OLFM4: variants seen among roughly 807,000 people sequenced by gnomAD.
OLFM4 encodes the protein olfactomedin 4.
OLFM4 carries 22 observed loss-of-function variants against 25.5 expected under a neutral mutation model. The observed-to-expected ratio is 0.86, with a 90% CI of 0.62 to 1.23. The LOEUF (loss-of-function observed/expected upper bound fraction) is 1.23. Among genes scored for constraint, OLFM4 ranks in the 50% most tolerant of loss-of-function variants. The pLI is 0.00. For missense variants in OLFM4, 594 were observed against 619.4 expected, an observed-to-expected ratio of 0.96 and a Z score of 0.44; for synonymous variants, 255 against 237.7, an observed-to-expected ratio of 1.07 and a Z score of -0.67.
At chr13:53,040,874 G>C (rs1180242595) in intron 2 of OLFM4, among the ~76,000 whole-genome samples, 1 of 152,064 alleles carries the variant, frequency 6.6e-6, no homozygotes, top group Non-Finnish European at 1.5e-5. Flanking sequence ...AAGAAAAAAG[G>C]GCTCAATATC....
intron 3 of OLFM4, 30 bp from the exon 4 acceptor site, chr13:53,043,075 T>A (rs1954695855): frequency 6.5e-7 from 1 of 1,548,802 alleles, no homozygotes; most frequent in African/African-American, 1.4e-5. Context: ...CACCATAATA[T>A]AAAGTCACTC....
At chr13:53,049,832 C>G (rs1954735586) in intron 4 of OLFM4, 137 bp from the exon 5 acceptor site, 1 of 867,542 alleles carries the variant, frequency 1.2e-6, no homozygotes, top group Admixed American at 2.9e-5. Context: ...TGGCTCTTCT[C>G]CATCAGAACC....
chr13:53,032,071 A>T (rs1284404130), intron 1 of OLFM4, among the ~76,000 whole-genome samples: 1 of 152,218 alleles, frequency 6.6e-6, no homozygotes. Context: ...GATAAGCAGG[A>T]TGGAAGCTGG....
chr13:53,043,361 A>C, intron 4 of OLFM4, 97 bp downstream of exon 4: 1 of 896,472 alleles, frequency 1.1e-6, no homozygotes, highest in Non-Finnish European at 1.5e-6. Flanking sequence ...GTGAAAGAAG[A>C]AGGTGGGTTG....
rs778858998 is a variant in OLFM4 at position 53,029,050 on chromosome 13, C to T, written c.204+10C>T. 4.3e-6 allele frequency: 7 copies of T among 1,613,506 alleles called. No individual in the cohort carries two copies. Among genetic ancestry groups the T allele is most frequent in the South Asian group, 2.2e-5 (2 of 91,074 alleles). The stretch of plus-strand genomic sequence containing the variant: ...AGGTTCTGTGTCCCAGGTGAGGAGG[C>T]CCCAGAATCTGAATGAGCTGCATTC... On this transcript the variant is annotated intron_variant, in intron 1 of 4. Coordinates refer to ENST00000219022, the MANE Select transcript of OLFM4 (RefSeq NM_006418.5).
At chr13:53,041,329 G>T (rs1361339312) in intron 2 of OLFM4, among the ~76,000 whole-genome samples, 1 of 152,152 alleles carries the variant, frequency 6.6e-6, no homozygotes, top group Non-Finnish European at 1.5e-5. Context: ...TAGGAACATG[G>T]ATAGAGAGCT....
rs1423210075 is a variant in OLFM4 at position 53,050,945 on chromosome 13, T to C, written c.*174T>C. On this transcript the variant is annotated 3_prime_UTR_variant, in exon 5 of 5. Coordinates refer to ENST00000219022, the MANE Select transcript of OLFM4 (RefSeq NM_006418.5). ...ATTTGTCTTGATTTGGTGAGTTCTC[T>C]TGGGAATCATCTGCCTCTTCAGGCG... 11 of 598,200 alleles carry C rather than the reference T, an allele frequency of 1.8e-5. No individual in the cohort carries two copies. Among genetic ancestry groups the C allele is most frequent in the Non-Finnish European group, 3.1e-5 (11 of 356,620 alleles). The allele number at this position is 598,200 out of a possible 1,614,324, so 37.1% of individuals were successfully genotyped here. A position where few individuals can be genotyped will look rare whatever the true frequency, so the allele number is the denominator to read the frequency against.
intron 4 of OLFM4, among the ~76,000 whole-genome samples, chr13:53,047,691 A>C (rs1410895175): frequency 6.6e-6 from 1 of 152,152 alleles, no homozygotes; most frequent in Admixed American, 6.5e-5. Context: ...TACTATTAGT[A>C]GTAGTAACAA....
At chr13:53,049,332 C>T (rs183678823) in intron 4 of OLFM4, among the ~76,000 whole-genome samples, 7 of 152,278 alleles carry the variant, frequency 4.6e-5, no homozygotes, top group Admixed American at 2.0e-4. Flanking sequence ...ATAGGACCAT[C>T]TTTCTGGATC....
At position 53,029,036 on chromosome 13, in the gene OLFM4, C is replaced by T. The variant is rs1280059559; in HGVS notation, c.200C>T (p.Ser67Phe). The change falls in exon 1 of 5, where the codon TCC (serine) becomes TTC (phenylalanine). Residue 67 changes from serine (S) to phenylalanine (F), a missense_variant. Physicochemically the swap from Ser to Phe is radical, Grantham distance 155. Coordinates refer to ENST00000219022, the MANE Select transcript of OLFM4 (RefSeq NM_006418.5). ...AGCTTAGGCAGCGGAGGTTCTGTGTCCCAGGTGAGGAGGCCCCAGAATCTG... is the reference window on the plus strand; with the variant it reads ...AGCTTAGGCAGCGGAGGTTCTGTGTTCCAGGTGAGGAGGCCCCAGAATCTG... The part of the protein sequence containing the change: ...SRSLGSGGSV[S>F]QLFSNFTGSV... The T allele has an allele frequency of 6.2e-7, 1 of 1,614,028 alleles. No homozygotes were observed. The highest frequency in any genetic ancestry group is 1.7e-5 in the Admixed American group (1 of 60,022).
intron 4 of OLFM4, among the ~76,000 whole-genome samples, chr13:53,049,342 C>G (rs1306505565): frequency 6.6e-6 from 1 of 152,064 alleles, no homozygotes; most frequent in African/African-American, 2.4e-5. Flanking sequence ...CTTTCTGGAT[C>G]TATAAAATGC....
At chr13:53,032,670 A>C (rs1954635426) in intron 1 of OLFM4, among the ~76,000 whole-genome samples, 1 of 152,166 alleles carries the variant, frequency 6.6e-6, no homozygotes, top group Non-Finnish European at 1.5e-5. Flanking sequence ...AATTGAGACC[A>C]AGGTAATAAA....
At chr13:53,043,327 G>C in intron 4 of OLFM4, 63 bp downstream of exon 4, 1 of 1,384,552 alleles carries the variant, frequency 7.2e-7, no homozygotes, top group South Asian at 1.7e-5. Flanking sequence ...GAGTGGGGTG[G>C]GGAAGGGATT....
At chr13:53,032,804 C>T (rs191653480) in intron 1 of OLFM4, among the ~76,000 whole-genome samples, 114 of 152,072 alleles carry the variant, frequency 7.5e-4, no homozygotes, top group Non-Finnish European at 4.1e-4. Flanking sequence ...GCCCCGAGGC[C>T]AGTGATAAAA....
intron 4 of OLFM4, among the ~76,000 whole-genome samples, chr13:53,047,917 A>G (rs1364355282): frequency 6.6e-6 from 1 of 152,098 alleles, no homozygotes; most frequent in Non-Finnish European, 1.5e-5. Flanking sequence ...TCGGTTTGGG[A>G]TATTTTCTTT....
rs538904175 is a variant in OLFM4 at position 53,045,519 on chromosome 13, G to A, written c.730+2255G>A. On this transcript the variant is annotated intron_variant, in intron 4 of 4. Transcript: ENST00000219022. ...TAATGCAGAATTGGAAAATCCCCAA[G>A]CACCACAAACTTGTGAGCCTGTGGA... 5.9e-5 allele frequency among the ~76,000 whole-genome samples: 9 copies of A among 152,280 alleles called. No individual in the cohort carries two copies. The East Asian group carries it at 1.4e-3, about 23-fold the overall frequency.
At chr13:53,034,835 T>C (rs1240995808) in intron 2 of OLFM4, among the ~76,000 whole-genome samples, 3 of 152,226 alleles carry the variant, frequency 2.0e-5, no homozygotes, top group East Asian at 3.9e-4. Context: ...TTCTTCCTTT[T>C]GGTCTTCTAG....
At chr13:53,046,212 G>A (rs182048155) in intron 4 of OLFM4, among the ~76,000 whole-genome samples, 207 of 152,232 alleles carry the variant, frequency 1.4e-3, no homozygotes, top group Non-Finnish European at 7.4e-4. Context: ...AAGTTCAGTT[G>A]CCCAGTTGAG....
chr13:53,043,129 G>C lies in OLFM4; in HGVS notation c.595G>C (p.Glu199Gln), dbSNP rs1251566138. ...GATAAGAAATATGACTCTCTTGGTA[G>C]AGAAGCTTGAGACACTAGACAAAAA... is the stretch of plus-strand genomic sequence containing the variant. ...VEIRNMTLLV[E>Q]KLETLDKNNV... Residue 199 changes from glutamate to glutamine, a missense_variant, in exon 4 of 5, where the codon GAG becomes CAG. Glu to Gln is a conservative substitution (Grantham distance 29). Coordinates refer to ENST00000219022, the MANE Select transcript of OLFM4 (RefSeq NM_006418.5). 1.5e-5 allele frequency: 24 copies of C among 1,607,292 alleles called. No homozygotes were observed. Among genetic ancestry groups the C allele is most frequent in the Non-Finnish European group, 2.0e-5 (23 of 1,177,852 alleles).
Sources: gnomAD v4.1 joint callset for allele counts (sites outside exome capture counted in the v4.1 genomes callset) on GRCh38, gnomAD v4.1.1 for gene constraint, MANE v1.5 for transcripts, NCBI Gene and HGNC (gene_info 2026-07-23, HGNC 2026-07-21) for gene names.